Variants in LTBP1 observed in about 807,000 individuals in gnomAD.
LTBP1 encodes the protein latent-transforming growth factor beta-binding protein 1.
LTBP1 carries 129 observed loss-of-function variants against 207.6 expected under a neutral mutation model. That is an observed-to-expected ratio of 0.62 (90% confidence interval 0.54 to 0.72). The LOEUF is 0.72. LTBP1 is among the 30% of genes least tolerant of loss of function. LTBP1 has a pLI of 0.00. For synonymous variants in LTBP1, 963 were observed against 833.7 expected (o/e 1.16, Z -2.67); for missense variants, 2,281 against 2,217.2 (o/e 1.03, Z -0.58).
intron 3 of LTBP1, among the ~76,000 whole-genome samples, chr2:33,102,065 A>G (rs971222103): frequency 2.0e-5 from 3 of 152,192 alleles, no homozygotes; most frequent in Admixed American, 2.0e-4. Context: ...TGGGGCATCC[A>G]GAGGACACAT....
intron 5 of LTBP1, among the ~76,000 whole-genome samples, chr2:33,160,131 G>A (rs374833915): frequency 8.5e-5 from 13 of 152,214 alleles, no homozygotes; most frequent in South Asian, 2.1e-4. Flanking sequence ...CGCCCACGTC[G>A]GCCTCCCAAA....
intron 25 of LTBP1, among the ~76,000 whole-genome samples, chr2:33,343,330 G>T (rs1013027888): frequency 1.3e-5 from 2 of 150,476 alleles, no homozygotes; most frequent in African/African-American, 4.9e-5. Flanking sequence ...AGGATCTCAT[G>T]TGCCCAGGAG....
chr2:33,139,497 G>C (rs749312435), intron 5 of LTBP1, among the ~76,000 whole-genome samples: 13 of 152,226 alleles, frequency 8.5e-5, no homozygotes, highest in Non-Finnish European at 8.8e-5. Flanking sequence ...GGCGCCCAGA[G>C]AAGGGAAATA....
intron 9 of LTBP1, among the ~76,000 whole-genome samples, chr2:33,231,041 C>T (rs145999471): frequency 1.2e-3 from 179 of 152,276 alleles, no homozygotes; most frequent in Middle Eastern, 6.8e-3. Context: ...AAACATTAAT[C>T]GCTGGGGCAC....
intron 21 of LTBP1, 66 bp downstream of exon 21, chr2:33,300,639 C>CTCAA: frequency 6.6e-7 from 1 of 1,522,610 alleles, no homozygotes. Context: ...AAAAGGTACG[C>CTCAA]TCAATCAAGT....
chr2:33,283,683 G>T (rs1374176025), intron 19 of LTBP1, among the ~76,000 whole-genome samples: 11 of 151,974 alleles, frequency 7.2e-5, no homozygotes, highest in African/African-American at 7.2e-5. Context: ...TGATCCACCC[G>T]CCTCGGCCTC....
chr2:33,110,514 C>G, intron 3 of LTBP1, 68 bp from the exon 4 acceptor site: 3 of 1,432,816 alleles, frequency 2.1e-6, no homozygotes, highest in Non-Finnish European at 2.9e-6. Context: ...GTTGCTTACC[C>G]TTTCCTTATT....
chr2:33,058,745 G>A (rs1178134076), intron 3 of LTBP1, among the ~76,000 whole-genome samples: 3 of 152,098 alleles, frequency 2.0e-5, no homozygotes, highest in Non-Finnish European at 4.4e-5. Context: ...TTGATTATAC[G>A]TTTGATTCCA....
intron 2 of LTBP1, among the ~76,000 whole-genome samples, chr2:32,975,583 GTTTTTTTTTTTTTTTTTTTTT>G (rs779168923): frequency 0.026 from 828 of 31,376 alleles, 5 homozygotes; most frequent in African/African-American, 0.097. Context: ...TTCATTCTTT[GTTTTTTTTTTTTTTTTTTTTT>G]TTTTTTTTTT....
chr2:33,348,504 A>G (rs1281347457), intron 26 of LTBP1, among the ~76,000 whole-genome samples: 1 of 152,192 alleles, frequency 6.6e-6, no homozygotes, highest in African/African-American at 2.4e-5. Context: ...CATATTCCAT[A>G]AAGAAGAGAC....
intron 2 of LTBP1, among the ~76,000 whole-genome samples, chr2:32,995,300 G>A (rs1382065015): frequency 6.6e-6 from 1 of 152,096 alleles, no homozygotes; most frequent in African/African-American, 2.4e-5. Flanking sequence ...AATGTGCATA[G>A]GAATCTCCTG....
intron 3 of LTBP1, among the ~76,000 whole-genome samples, chr2:33,108,771 G>A (rs1012262065): frequency 6.6e-5 from 10 of 152,250 alleles, no homozygotes; most frequent in African/African-American, 1.9e-4. Flanking sequence ...TCCGAGATGC[G>A]GAGGATTCCT....
At chr2:33,391,993 G>A (rs559910297) in intron 32 of LTBP1, among the ~76,000 whole-genome samples, 2 of 152,218 alleles carry the variant, frequency 1.3e-5, no homozygotes, top group East Asian at 3.9e-4. Context: ...CTCCAGCAAG[G>A]GCTTTTGGAG....
rs1237338380 is a variant in LTBP1, at chr2:33,358,223, T to C, written c.4001-2374T>C. ...TCTTAGAAAATAAGACCAAAACTTA[T>C]AACAACCAGTGTAAAAAATAATTAT... On this transcript the variant is annotated intron_variant, in intron 26 of 33. Transcript: ENST00000404816. Among the ~76,000 whole-genome samples, 7 of 152,058 alleles carry C rather than the reference T, an allele frequency of 4.6e-5. No homozygotes were observed. The East Asian group carries it at 5.8e-4, about 13-fold the overall frequency.
intron 2 of LTBP1, among the ~76,000 whole-genome samples, chr2:32,974,247 C>T (rs910733846): frequency 6.6e-6 from 1 of 152,162 alleles, no homozygotes; most frequent in African/African-American, 2.4e-5. Flanking sequence ...TTCTCTACAT[C>T]CTTGTCAGCA....
At chr2:33,389,387 T>C in intron 32 of LTBP1, 81 bp downstream of exon 32, 1 of 1,567,890 alleles carries the variant, frequency 6.4e-7, no homozygotes, top group South Asian at 1.2e-5. Flanking sequence ...AATGGCAACT[T>C]GTTAGCAATG....
At position 32,999,811 on chromosome 2, in the gene LTBP1, T is replaced by TA. The variant is rs1289546450; in HGVS notation, c.566-21088dup. Among the ~76,000 whole-genome samples the TA allele has an allele frequency of 7.1e-5, 9 of 127,006 alleles. 2 individuals carry two copies. In the East Asian group the frequency reaches 1.7e-3, roughly 23 times the overall value. 83.3% of individuals were successfully genotyped at this position (127,006 alleles called of 152,430 possible). A position where few individuals can be genotyped will look rare whatever the true frequency, so the allele number is the denominator to read the frequency against. On this transcript the variant is annotated intron_variant, in intron 2 of 33. Coordinates refer to ENST00000404816, the MANE Select transcript of LTBP1 (RefSeq NM_206943.4). ...CTGGGCGACAGAGTGAGACTCTGTC[T>TA]AAAAAAAAAAGATCCAGAGGGAAAA... is the stretch of plus-strand genomic sequence containing the variant.
At chr2:33,093,368 G>T (rs116623514) in intron 3 of LTBP1, among the ~76,000 whole-genome samples, 1 of 151,872 alleles carries the variant, frequency 6.6e-6, no homozygotes, top group South Asian at 2.1e-4. Context: ...TGTTGTTCAC[G>T]GATTCTAATG....
chr2:33,125,829 C>CAAA (rs34059321), intron 4 of LTBP1, among the ~76,000 whole-genome samples: 1 of 131,498 alleles, frequency 7.6e-6, no homozygotes, highest in Admixed American at 7.6e-5. Flanking sequence ...GACTCCGTCT[C>CAAA]AAAAAAAAAA....
Sources: allele counts gnomAD v4.1 joint callset (sites outside exome capture counted in the v4.1 genomes callset), GRCh38; gene constraint gnomAD v4.1.1; transcripts MANE v1.5; gene names NCBI Gene and HGNC (gene_info 2026-07-23, HGNC 2026-07-21).